The following USP42 variants were observed in gnomAD, a reference collection of about 807,000 sequenced individuals.
USP42 encodes ubiquitin specific peptidase 42, also known as ubiquitin carboxyl-terminal hydrolase 42.
USP42 carries 23 observed loss-of-function variants against 113.0 expected under a neutral mutation model. That is an observed-to-expected ratio of 0.20 (90% CI 0.15 to 0.29). USP42 has a LOEUF of 0.29. USP42 is among the 10% of genes least tolerant of loss of function. The pLI is 1.00. For synonymous variants in USP42, 933 were observed against 699.0 expected, an observed-to-expected ratio of 1.33 and a Z score of -5.28; for missense variants, 2,174 against 1,779.8, an observed-to-expected ratio of 1.22 and a Z score of -3.99.
At chr7:6,138,896 C>T (rs771614308) in intron 4 of USP42, among the ~76,000 whole-genome samples, 196 bp from the exon 5 acceptor site, 12 of 152,154 alleles carry the variant, frequency 7.9e-5, no homozygotes, top group Non-Finnish European at 1.2e-4. Flanking sequence ...GGTGCCCAAA[C>T]GGTTGGGGAT....
chr7:6,089,342 G>T, the USP42 span, among the ~76,000 whole-genome samples: 1 of 149,558 alleles, frequency 6.7e-6, no homozygotes, highest in Non-Finnish European at 1.5e-5. Flanking sequence ...ACATCCTCCT[G>T]GTTGAGCTCT....
chr7:6,152,700 C>G (rs1210059465), intron 14 of USP42, among the ~76,000 whole-genome samples: 1 of 152,216 alleles, frequency 6.6e-6, no homozygotes, highest in East Asian at 1.9e-4. Context: ...GCTGTGCAGA[C>G]AAGCCCAGGC....
Position 6,150,310 on chromosome 7 carries a change from C to G in USP42, c.2106+8C>G, listed in dbSNP as rs1326437656. The G allele has an allele frequency of 6.2e-7, 1 of 1,612,320 alleles. No individual in the cohort carries two copies. The highest frequency in any genetic ancestry group is 1.6e-4 in the Middle Eastern group (1 of 6,062). Reference sequence around the variant, plus strand: ...AACGGTCTTCCTGGAAAGGTGAGTGCACGTCAGGGTCTTCAGCCTCGTTTG... The same window carrying G: ...AACGGTCTTCCTGGAAAGGTGAGTGGACGTCAGGGTCTTCAGCCTCGTTTG... On this transcript the variant is annotated splice_region_variant and intron_variant, in intron 13 of 17. Transcript: ENST00000306177.
chr7:6,156,476 G>T (rs976648275), intron 15 of USP42, among the ~76,000 whole-genome samples: 88 of 152,154 alleles, frequency 5.8e-4, no homozygotes, highest in African/African-American at 2.0e-3. Context: ...TTGAGACAGG[G>T]TCTTGCTCTG....
chr7:6,134,381 A>G (rs1781016744), intron 3 of USP42, among the ~76,000 whole-genome samples: 1 of 152,100 alleles, frequency 6.6e-6, no homozygotes, highest in Non-Finnish European at 1.5e-5. Flanking sequence ...GTTTGATTGG[A>G]TGCCAGACAG....
intron 15 of USP42, among the ~76,000 whole-genome samples, chr7:6,156,248 C>A (rs866870474): frequency 6.6e-6 from 1 of 152,146 alleles, no homozygotes; most frequent in African/African-American, 2.4e-5. Flanking sequence ...GTGTCTCAGG[C>A]ACATGGGAGG....
Position 6,154,150 on chromosome 7 carries a change from C to G in USP42, c.2596C>G (p.Pro866Ala), listed in dbSNP as rs758566349. The G allele has an allele frequency of 1.3e-6, 2 of 1,594,552 alleles. No homozygotes were observed. The highest frequency in any genetic ancestry group is 3.4e-5 in the Admixed American group (2 of 59,428). ...SPAPPARSEE[P>A]CEQPLLVHPS... ...GGCTCCGCCTGCGCGGTCGGAGGAGCCCTGCGAGCAGCCACTCCTTGTTCA... is the reference window on the plus strand; with the variant it reads ...GGCTCCGCCTGCGCGGTCGGAGGAGGCCTGCGAGCAGCCACTCCTTGTTCA... Residue 866 changes from proline (P) to alanine (A), a missense_variant, in exon 15 of 18, where the codon CCC (proline) becomes GCC (alanine). By Grantham distance (27) the Pro-to-Ala change is conservative. Transcript: ENST00000306177.
intron 1 of USP42, among the ~76,000 whole-genome samples, chr7:6,106,949 A>G (rs754427122): frequency 3.4e-4 from 52 of 152,256 alleles, no homozygotes; most frequent in Non-Finnish European, 5.4e-4. Flanking sequence ...TGTAACAGTA[A>G]TATTTAGAAG....
At position 6,147,791 on chromosome 7, in the gene USP42, G is replaced by C; in HGVS notation, c.1285G>C (p.Gly429Arg). The C allele has an allele frequency of 1.2e-6, 2 of 1,612,102 alleles. No individual in the cohort carries two copies. The highest frequency in any genetic ancestry group is 2.2e-5 in the East Asian group (1 of 44,816). The change falls in exon 12 of 18, where the codon GGC (glycine) becomes CGC (arginine). Residue 429 changes from glycine to arginine, a missense_variant. Transcript: ENST00000306177. ...ACTTACTCATCCCACCCATAGCCCC[G>C]GCCAGTCCTCTCCCCGCCCCGTCAT... ...GELTHPTHSP[G>R]QSSPRPVISQ...
rs1396589637 is a variant in USP42 at position 6,144,133 on chromosome 7, C to G, written c.927C>G (p.Ser309=). The change falls in exon 9 of 18, where the codon TCC becomes TCG. Residue 309 remains serine, a synonymous_variant. Coordinates refer to ENST00000306177, the MANE Select transcript of USP42 (RefSeq NM_032172.3). ...CAAAGAGGTTCACTATCCATAGATC[C>G]TCTAATGTTCTTACACTTTCTCTGA... ...PASKRFTIHR[S]SNVLTLSLKR... 1.3e-6 allele frequency: 2 copies of G among 1,593,192 alleles called. No homozygotes were observed. Among genetic ancestry groups the G allele is most frequent in the Non-Finnish European group, 1.7e-6 (2 of 1,173,722 alleles).
At chr7:6,125,521 G>A (rs1339393596) in intron 3 of USP42, among the ~76,000 whole-genome samples, 3 of 152,066 alleles carry the variant, frequency 2.0e-5, no homozygotes, top group Non-Finnish European at 2.9e-5. Context: ...TCTGCTTCTC[G>A]TGAAGTATAA....
At chr7:6,131,075 G>A (rs1215204451) in intron 3 of USP42, among the ~76,000 whole-genome samples, 1 of 152,124 alleles carries the variant, frequency 6.6e-6, no homozygotes, top group Non-Finnish European at 1.5e-5. Flanking sequence ...GGAGAAGGAA[G>A]GGCTCTGGAT....
intron 2 of USP42, among the ~76,000 whole-genome samples, 156 bp from the exon 3 acceptor site, chr7:6,115,167 C>G (rs1779849443): frequency 6.6e-6 from 1 of 152,110 alleles, no homozygotes; most frequent in East Asian, 1.9e-4. Flanking sequence ...GTTCTGGTTT[C>G]TGTCTTTTAA....
rs771673864 is a variant in USP42 at position 6,150,221 on chromosome 7, G to A, written c.2025G>A (p.Ala675=). 10 of 1,613,770 alleles carry A rather than the reference G, an allele frequency of 6.2e-6. No individual in the cohort carries two copies. The highest frequency in any genetic ancestry group is 2.7e-5 in the African/African-American group (2 of 74,946). The stretch of plus-strand genomic sequence containing the variant: ...GTGACCCGAAAGAAAACGGCCTAGC[G>A]CCTGATGGTGCCAGCTGCCAAGGCC... The part of the protein sequence containing the change: ...SDSDPKENGL[A]PDGASCQGQP... The change falls in exon 13 of 18, where the codon GCG becomes GCA. Residue 675 remains alanine, a synonymous_variant. Transcript: ENST00000306177.
chr7:6,134,608 C>T (rs981516304), intron 3 of USP42, among the ~76,000 whole-genome samples: 26 of 152,160 alleles, frequency 1.7e-4, no homozygotes, highest in African/African-American at 5.5e-4. Context: ...CCGGTGCATT[C>T]GAGGCTGTTG....
rs776354202 is a variant in USP42 at position 6,147,859 on chromosome 7, T to C, written c.1353T>C (p.Phe451=). 6.2e-7 allele frequency: 1 copy of C among 1,612,630 alleles called. No individual in the cohort carries two copies. The highest frequency in any genetic ancestry group is 1.7e-5 in the Admixed American group (1 of 59,856). ...CCAACAAACAGGCTGCGCCAGGCTT[T>C]ATCGGACCACAGCTTCCCTCTCACA... is the stretch of plus-strand genomic sequence containing the variant. ...VVTNKQAAPG[F]IGPQLPSHMI... The change falls in exon 12 of 18, where the codon TTT becomes TTC. Residue 451 remains phenylalanine, a synonymous_variant. Transcript: ENST00000306177.
At chr7:6,103,740 A>G (rs1790215164), upstream of USP42, among the ~76,000 whole-genome samples, 1 of 42,000 alleles carries the variant, frequency 2.4e-5, no homozygotes, top group Non-Finnish European at 1.1e-4. Context: ...CGTCTCTACA[A>G]AAAAAAAAAA....
intron 11 of USP42, among the ~76,000 whole-genome samples, chr7:6,146,662 CA>C (rs199666632): frequency 3.3e-5 from 5 of 150,308 alleles, no homozygotes; most frequent in African/African-American, 4.9e-5. Context: ...AAGACTGTCT[CA>C]AAAAAAAACC....
intron 17 of USP42, 32 bp from the exon 18 acceptor site, chr7:6,160,523 A>AACTC (rs1782715529): frequency 6.5e-6 from 1 of 152,688 alleles, no homozygotes; most frequent in African/African-American, 2.4e-5. Context: ...GCCTGCCTCC[A>AACTC]ACTCACTAAC....
Sources: gnomAD v4.1 joint callset for allele counts (sites outside exome capture counted in the v4.1 genomes callset) on GRCh38, gnomAD v4.1.1 for gene constraint, MANE v1.5 for transcripts, NCBI Gene and HGNC (gene_info 2026-07-23, HGNC 2026-07-21) for gene names.